LEPR: variants seen among roughly 807,000 people sequenced by gnomAD.
The protein encoded by LEPR is leptin receptor, also known as OB receptor.
In LEPR, 56 loss-of-function variants were observed where a neutral mutation model predicts 114.7. The ratio of observed to expected loss-of-function variants is 0.49; its 90% CI spans 0.39 to 0.61. LEPR has a LOEUF of 0.61. Among genes scored for constraint, LEPR ranks in the 20% least tolerant of loss-of-function variants. The probability of loss-of-function intolerance (pLI) is 0.00; values close to 1 mark genes in which losing one functional copy is unlikely to be tolerated. For missense variants in LEPR, 1,202 were observed against 1,352.9 expected, an observed-to-expected ratio of 0.89 and a Z score of 1.75; for synonymous variants, 443 against 461.4, an observed-to-expected ratio of 0.96 and a Z score of 0.51.
At chr1:65,578,401 T>C in intron 5 of LEPR, 1 of 217,606 alleles carries the variant, frequency 4.6e-6, no homozygotes, top group South Asian at 8.3e-5. Flanking sequence ...GCATAACTAA[T>C]GGGCCATTTT....
intron 2 of LEPR, among the ~76,000 whole-genome samples, chr1:65,564,145 C>T (rs1570703637): frequency 6.7e-6 from 1 of 149,148 alleles, no homozygotes; most frequent in East Asian, 1.9e-4. Flanking sequence ...GGCGCCCCTC[C>T]CCCAGCCTCG....
At chr1:65,505,448 T>G (rs1331877003) in intron 2 of LEPR, among the ~76,000 whole-genome samples, 1 of 152,218 alleles carries the variant, frequency 6.6e-6, no homozygotes, top group Non-Finnish European at 1.5e-5. Context: ...TCCATTTTTC[T>G]GCCGTTTTTT....
intron 2 of LEPR, 45 bp from the exon 3 acceptor site, chr1:65,565,501 T>G: frequency 6.3e-7 from 1 of 1,592,174 alleles, no homozygotes; most frequent in Non-Finnish European, 8.6e-7. Flanking sequence ...TATATATGTG[T>G]TTTTGTTTTT....
chr1:65,636,124 C>T, intron 19 of LEPR, 67 bp from the exon 20 acceptor site: 1 of 1,549,162 alleles, frequency 6.5e-7, no homozygotes, highest in South Asian at 1.1e-5. Context: ...TCCATTTCTG[C>T]CAGTATGACA....
Position 65,633,526 on chromosome 1 carries a change from A to G in LEPR, c.2674-2665A>G. The G allele has an allele frequency of 9.4e-7, 1 of 1,062,812 alleles. No individual in the cohort carries two copies. Among genetic ancestry groups the G allele is most frequent in the Non-Finnish European group, 1.1e-6 (1 of 878,638 alleles). The allele number at this position is 1,062,812 out of a possible 1,614,324, so 65.8% of individuals were successfully genotyped here. On this transcript the variant is annotated intron_variant, in intron 19 of 19. Coordinates refer to ENST00000349533, the MANE Select transcript of LEPR (RefSeq NM_002303.6). This position sits in a 1 kb window ranked among gnomAD's most constrained non-coding sequence, Gnocchi z 4.1. ...TTACATATCTATTAAATGTCATCAA[A>G]TATGTAGTAGACAATGCTGTAATTA... is the stretch of plus-strand genomic sequence containing the variant.
chr1:65,546,284 G>A (rs1354887452), intron 2 of LEPR, among the ~76,000 whole-genome samples: 12 of 152,254 alleles, frequency 7.9e-5, no homozygotes, highest in African/African-American at 1.4e-4. Context: ...TTGACTTGGC[G>A]ATGCGGGCTC....
chr1:65,575,826 T>G (rs558177547), intron 5 of LEPR, among the ~76,000 whole-genome samples: 1 of 151,470 alleles, frequency 6.6e-6, no homozygotes, highest in Non-Finnish European at 1.5e-5. Context: ...AAAATTATAT[T>G]CTGATTTCCT....
chr1:65,426,104 T>G (rs1646358242), intron 2 of LEPR, among the ~76,000 whole-genome samples: 1 of 134,372 alleles, frequency 7.4e-6, no homozygotes, highest in Admixed American at 7.1e-5. Flanking sequence ...GGGAAGACAG[T>G]GGTCAGGGAG....
intron 5 of LEPR, among the ~76,000 whole-genome samples, chr1:65,588,233 C>CT (rs1303080087): frequency 6.6e-6 from 1 of 151,906 alleles, no homozygotes. Flanking sequence ...GAAATAACAA[C>CT]TGTCTGTTCT....
intron 5 of LEPR, among the ~76,000 whole-genome samples, chr1:65,575,062 G>GA (rs938532676): frequency 6.6e-6 from 1 of 152,102 alleles, no homozygotes; most frequent in African/African-American, 2.4e-5. Flanking sequence ...CTGAGAATAT[G>GA]AAAAAAACCT....
intron 14 of LEPR, among the ~76,000 whole-genome samples, chr1:65,613,746 C>G (rs1657334638): frequency 1.5e-5 from 1 of 66,760 alleles, no homozygotes; most frequent in Non-Finnish European, 2.5e-5. Flanking sequence ...GGCAACAGAG[C>G]GAGACTCCGT....
At chr1:65,435,180 A>G (rs1351153139) in intron 2 of LEPR, 4 of 985,174 alleles carry the variant, frequency 4.1e-6, no homozygotes, top group African/African-American at 3.5e-5. Context: ...TGCTTTTCAT[A>G]GTTGTTTCTT....
chr1:65,459,554 A>T (rs1196035766), intron 2 of LEPR, among the ~76,000 whole-genome samples: 1 of 152,208 alleles, frequency 6.6e-6, no homozygotes, highest in Non-Finnish European at 1.5e-5. Flanking sequence ...TTCTTCCCTC[A>T]GCATCTTTCT....
intron 2 of LEPR, among the ~76,000 whole-genome samples, chr1:65,489,299 A>G (rs1647742511): frequency 6.6e-6 from 1 of 152,152 alleles, no homozygotes; most frequent in Non-Finnish European, 1.5e-5. Flanking sequence ...TCTTTTGGAT[A>G]AAAACCTTTT....
At chr1:65,487,494 A>G (rs1647551933) in intron 2 of LEPR, among the ~76,000 whole-genome samples, 1 of 151,968 alleles carries the variant, frequency 6.6e-6, no homozygotes, top group African/African-American at 2.4e-5. Flanking sequence ...TTATATGCAT[A>G]TATCTTATAT....
chr1:65,601,991 T>G, intron 10 of LEPR, 31 bp downstream of exon 10: 2 of 1,568,580 alleles, frequency 1.3e-6, no homozygotes, highest in Non-Finnish European at 1.8e-6. Flanking sequence ...TTTGTTTTTC[T>G]GTGGGCACAG....
At chr1:65,456,488 T>G (rs1030812058) in intron 2 of LEPR, among the ~76,000 whole-genome samples, 1 of 152,166 alleles carries the variant, frequency 6.6e-6, no homozygotes, top group Non-Finnish European at 1.5e-5. Flanking sequence ...CTCATTTTAA[T>G]GTATGTGGTT....
intron 2 of LEPR, among the ~76,000 whole-genome samples, chr1:65,476,920 TG>T (rs769617869): frequency 2.6e-5 from 4 of 152,296 alleles, no homozygotes; most frequent in South Asian, 2.1e-4. Flanking sequence ...AATTGCTTGG[TG>T]GGGTCTTTTA....
intron 2 of LEPR, among the ~76,000 whole-genome samples, chr1:65,558,501 G>GTTATTTTTTTTTTTTTTTT (rs1652992029): frequency 4.3e-5 from 1 of 23,168 alleles, no homozygotes; most frequent in Non-Finnish European, 8.2e-5. Context: ...GTTTCTTAAT[G>GTTATTTTTTTTTTTTTTTT]TTTTTTTTTT....
Sources: gnomAD v4.1 joint callset for allele counts (sites outside exome capture counted in the v4.1 genomes callset) on GRCh38, gnomAD v4.1.1 for gene constraint, Gnocchi (gnomAD v3.1) non-coding constraint, MANE v1.5 for transcripts, NCBI Gene and HGNC (gene_info 2026-07-23, HGNC 2026-07-21) for gene names.